DOK6: variants seen among roughly 807,000 people sequenced by gnomAD.
DOK6 encodes docking protein 6, also known as downstream of tyrosine kinase 6.
DOK6 carries 22 observed loss-of-function variants against 44.0 expected under a neutral mutation model. The ratio of observed to expected loss-of-function variants is 0.50; its 90% CI spans 0.36 to 0.71. DOK6 has a LOEUF of 0.71. Ranked by LOEUF, DOK6 falls within the 30% of genes least tolerant of loss-of-function variation. The pLI is 0.00. For missense variants in DOK6, 340 were observed against 416.4 expected (o/e 0.82, Z 1.60); for synonymous variants, 166 against 145.5 (o/e 1.14, Z -1.01).
intron 1 of DOK6, among the ~76,000 whole-genome samples, chr18:69,423,163 CATG>C (rs781716541): frequency 6.6e-6 from 1 of 152,088 alleles, no homozygotes; most frequent in Non-Finnish European, 1.5e-5. Context: ...ATTAGCCAGT[CATG>C]GTGGTGAACA....
intron 6 of DOK6, among the ~76,000 whole-genome samples, chr18:69,749,841 T>C (rs1181939167): frequency 2.0e-5 from 3 of 150,960 alleles, no homozygotes; most frequent in Non-Finnish European, 4.4e-5. Flanking sequence ...CTTGGGAGGC[T>C]GAGGCAGGAG....
chr18:69,760,904 A>G (rs1355124569), intron 7 of DOK6, among the ~76,000 whole-genome samples: 2 of 68,202 alleles, frequency 2.9e-5, no homozygotes, highest in African/African-American at 7.7e-5. Context: ...TCTGTCTAGT[A>G]GGAGCCTGCC....
chr18:69,681,817 C>T (rs779711036), intron 4 of DOK6, among the ~76,000 whole-genome samples: 3 of 152,152 alleles, frequency 2.0e-5, no homozygotes, highest in Non-Finnish European at 4.4e-5. Context: ...CAAAAGTGAA[C>T]GTCGTAACCA....
chr18:69,695,999 G>A (rs1277412446), intron 4 of DOK6, among the ~76,000 whole-genome samples: 1 of 152,070 alleles, frequency 6.6e-6, no homozygotes, highest in Non-Finnish European at 1.5e-5. Flanking sequence ...GATGGCCCTG[G>A]AAAAACTCCC....
intron 3 of DOK6, among the ~76,000 whole-genome samples, chr18:69,620,736 G>T (rs969593651): frequency 6.6e-6 from 1 of 152,064 alleles, no homozygotes; most frequent in South Asian, 2.1e-4. Context: ...CATTATTAAC[G>T]TACTTGTAAA....
At chr18:69,714,934 A>T (rs1445899170) in intron 5 of DOK6, among the ~76,000 whole-genome samples, 1 of 152,236 alleles carries the variant, frequency 6.6e-6, no homozygotes, top group Non-Finnish European at 1.5e-5. Context: ...AAATCAAATC[A>T]TACCGTAGAA....
chr18:69,772,608 T>C (rs978682937), intron 7 of DOK6, among the ~76,000 whole-genome samples: 7 of 151,912 alleles, frequency 4.6e-5, no homozygotes, highest in Admixed American at 3.9e-4. Context: ...AAATACACAA[T>C]GGGGAAAGGA....
At chr18:69,634,059 C>T (rs1984749297) in intron 3 of DOK6, among the ~76,000 whole-genome samples, 1 of 151,340 alleles carries the variant, frequency 6.6e-6, no homozygotes, top group Non-Finnish European at 1.5e-5. Context: ...AAAGTTATCT[C>T]CCAAATCAAA....
chr18:69,762,145 G>GCATACATACATACATACATACATA (rs1491187104), intron 7 of DOK6, among the ~76,000 whole-genome samples: 1 of 108,970 alleles, frequency 9.2e-6, no homozygotes, highest in African/African-American at 3.4e-5. Context: ...CTCCATCTCT[G>GCATACATACATACATACATACATA]CATGCATACA....
chr18:69,450,634 G>T (rs1979433340), intron 1 of DOK6, among the ~76,000 whole-genome samples: 1 of 151,954 alleles, frequency 6.6e-6, no homozygotes, highest in Non-Finnish European at 1.5e-5. Context: ...TGAAATGAAG[G>T]AAAACATGTT....
intron 4 of DOK6, among the ~76,000 whole-genome samples, chr18:69,679,921 G>A (rs1304244042): frequency 6.6e-6 from 1 of 151,824 alleles, no homozygotes; most frequent in Non-Finnish European, 1.5e-5. Context: ...ATAAAAAGCA[G>A]AAGGTGACTT....
chr18:69,764,391 T>C (rs774562846), intron 7 of DOK6, among the ~76,000 whole-genome samples: 1 of 151,718 alleles, frequency 6.6e-6, no homozygotes, highest in Non-Finnish European at 1.5e-5. Flanking sequence ...GTAATCTGAA[T>C]TGTAATCCCC....
chr18:69,580,903 C>T (rs1219582566), intron 2 of DOK6, among the ~76,000 whole-genome samples: 1 of 152,050 alleles, frequency 6.6e-6, no homozygotes, highest in African/African-American at 2.4e-5. Flanking sequence ...TTTTTAGTTT[C>T]TACATGCAGT....
chr18:69,583,377 T>A (rs182786399), intron 2 of DOK6, among the ~76,000 whole-genome samples: 2 of 152,186 alleles, frequency 1.3e-5, no homozygotes, highest in African/African-American at 2.4e-5. Flanking sequence ...ATCTGTTTTG[T>A]TTTTTTACTG....
intron 2 of DOK6, among the ~76,000 whole-genome samples, chr18:69,589,541 C>T (rs1983578799): frequency 6.6e-6 from 1 of 151,996 alleles, no homozygotes; most frequent in Admixed American, 6.6e-5. Flanking sequence ...CTTTAATGGT[C>T]AGATAATCTA....
intron 1 of DOK6, among the ~76,000 whole-genome samples, chr18:69,424,395 AT>A (rs1323319100): frequency 2.0e-5 from 3 of 152,148 alleles, no homozygotes; most frequent in Non-Finnish European, 4.4e-5. Flanking sequence ...TTATTGACCA[AT>A]AGATTTTCTT....
intron 3 of DOK6, among the ~76,000 whole-genome samples, chr18:69,641,593 T>A (rs1413471677): frequency 6.6e-6 from 1 of 152,198 alleles, no homozygotes; most frequent in African/African-American, 2.4e-5. Flanking sequence ...GCACCTAACA[T>A]AATCATTATT....
chr18:69,741,899 G>T (rs67976766), intron 6 of DOK6, among the ~76,000 whole-genome samples: 16,569 of 152,156 alleles, frequency 0.11, 939 homozygotes, highest in Middle Eastern at 0.16. Flanking sequence ...TAACTTGAAA[G>T]TTGGATAAAA....
At chr18:69,481,387 C>A (rs988346117) in intron 1 of DOK6, among the ~76,000 whole-genome samples, 1 of 152,040 alleles carries the variant, frequency 6.6e-6, no homozygotes, top group Non-Finnish European at 1.5e-5. Flanking sequence ...CCCCACCCCA[C>A]AACAGGCCCC....
Sources: allele counts gnomAD v4.1 joint callset (sites outside exome capture counted in the v4.1 genomes callset), GRCh38; gene constraint gnomAD v4.1.1; transcripts MANE v1.5; gene names NCBI Gene and HGNC (gene_info 2026-07-23, HGNC 2026-07-21).